MCM9: variants seen among roughly 807,000 people sequenced by gnomAD.
MCM9 encodes minichromosome maintenance 9 homologous recombination repair factor.
Under a neutral mutation model 72.8 loss-of-function variants are expected in MCM9, and 55 were observed. The ratio of observed to expected loss-of-function variants is 0.76; its 90% confidence interval spans 0.61 to 0.95. The LOEUF is 0.95. Ranked by LOEUF, MCM9 falls within the 40% of genes least tolerant of loss-of-function variation. The probability of loss-of-function intolerance (pLI) is 0.00; values close to 1 mark genes in which losing one functional copy is unlikely to be tolerated. For missense variants in MCM9, 1,279 were observed against 1,377.0 expected, an observed-to-expected ratio of 0.93 and a Z score of 1.13; for synonymous variants, 480 against 503.4, an observed-to-expected ratio of 0.95 and a Z score of 0.62.
intron 3 of MCM9, among the ~76,000 whole-genome samples, chr6:118,927,455 A>G (rs1348934405): frequency 6.6e-6 from 1 of 152,072 alleles, no homozygotes; most frequent in Non-Finnish European, 1.5e-5. Flanking sequence ...AATACAAATA[A>G]TTAGCCAGGT....
chr6:118,873,210 AG>A (rs1562418862), intron 8 of MCM9, among the ~76,000 whole-genome samples: 1 of 79,800 alleles, frequency 1.3e-5, no homozygotes, highest in Non-Finnish European at 2.5e-5. Flanking sequence ...AGGGGAGGGG[AG>A]GGAAAGGGAA....
At chr6:118,834,418 C>G (rs1321830017) in intron 9 of MCM9, among the ~76,000 whole-genome samples, 1 of 152,084 alleles carries the variant, frequency 6.6e-6, no homozygotes, top group Non-Finnish European at 1.5e-5. Flanking sequence ...GGTTATAGAT[C>G]CTTGAGGAAA....
At chr6:118,926,879 A>C (rs1432975942) in intron 3 of MCM9, among the ~76,000 whole-genome samples, 1 of 152,152 alleles carries the variant, frequency 6.6e-6, no homozygotes, top group Non-Finnish European at 1.5e-5. Flanking sequence ...GTCACTAAGT[A>C]CTCTCTATTG....
rs1157110307 is a variant in MCM9 at position 118,826,881 on chromosome 6, C to T, written c.1733-17G>A. On this transcript the variant is annotated splice_polypyrimidine_tract_variant and intron_variant, in intron 11 of 13. Coordinates refer to ENST00000619706, the MANE Select transcript of MCM9 (RefSeq NM_017696.3). ...GAGCATGAGCTAAGAAAACAAAACA[C>T]ATTTGTTTTTTAGGAATATTTGAGG... The T allele has an allele frequency of 1.6e-5, 24 of 1,538,766 alleles. No individual in the cohort carries two copies. The Middle Eastern group carries it at 6.7e-4, about 43-fold the overall frequency.
chr6:118,891,305 A>G (rs1415644836), intron 8 of MCM9, among the ~76,000 whole-genome samples: 1 of 152,214 alleles, frequency 6.6e-6, no homozygotes, highest in Non-Finnish European at 1.5e-5. Context: ...GGAACTGACC[A>G]ATATTTGGAT....
At chr6:118,875,640 AAAT>A (rs1777885887) in intron 8 of MCM9, among the ~76,000 whole-genome samples, 1 of 100,714 alleles carries the variant, frequency 9.9e-6, no homozygotes, top group Non-Finnish European at 1.9e-5. Context: ...TGTCTCAAAA[AAAT>A]AATAATAATA....
At chr6:118,837,186 C>T (rs1775019719) in intron 9 of MCM9, among the ~76,000 whole-genome samples, 1 of 152,182 alleles carries the variant, frequency 6.6e-6, no homozygotes, top group African/African-American at 2.4e-5. Context: ...GAATGAGTTT[C>T]TTAATCCTGA....
At chr6:118,845,166 C>T (rs947591811) in intron 9 of MCM9, among the ~76,000 whole-genome samples, 12 of 151,698 alleles carry the variant, frequency 7.9e-5, no homozygotes, top group African/African-American at 2.9e-4. Flanking sequence ...GCTGAATAAG[C>T]CTAAAAGACC....
rs1263943999 is a variant in MCM9, at chr6:118,829,153, G to A, written c.1423C>T (p.Leu475Phe). 1.9e-6 allele frequency: 3 copies of A among 1,550,576 alleles called. No homozygotes were observed. The highest frequency in any genetic ancestry group is 2.6e-6 in the Non-Finnish European group (3 of 1,146,996). ...AATCGACTTAAGAGTGGGCTGCCGA[G>A]GGCAATGTTCACAGACACGGACTCC... ...PQESVSVNIA[L>F]GSPLLSRFDL... The change falls in exon 10 of 14, where the codon CTC becomes TTC. Residue 475 changes from leucine (L) to phenylalanine (F), a missense_variant. By Grantham distance (22) the Leu-to-Phe change is conservative. Transcript: ENST00000619706.
chr6:118,914,534 G>A (rs546351165), intron 6 of MCM9, among the ~76,000 whole-genome samples: 1 of 152,276 alleles, frequency 6.6e-6, no homozygotes, highest in African/African-American at 2.4e-5. Flanking sequence ...AAAGGAACCA[G>A]AAGATTTAGT....
chr6:118,830,937 T>A (rs1447232436), intron 9 of MCM9, among the ~76,000 whole-genome samples: 1 of 152,180 alleles, frequency 6.6e-6, no homozygotes, highest in Non-Finnish European at 1.5e-5. Context: ...CTGGTGTCAG[T>A]ATCAGCATTA....
intron 8 of MCM9, among the ~76,000 whole-genome samples, chr6:118,875,711 T>C (rs1384100348): frequency 6.6e-6 from 1 of 152,038 alleles, no homozygotes; most frequent in African/African-American, 2.4e-5. Flanking sequence ...AGAATGACTG[T>C]AATCCAAAGA....
Position 118,815,928 on chromosome 6 carries a change from G to A in MCM9, c.2328C>T (p.Ile776=). Residue 776 remains isoleucine, a synonymous_variant, in exon 14 of 14, where the codon ATC becomes ATT. Coordinates refer to ENST00000619706, the MANE Select transcript of MCM9 (RefSeq NM_017696.3). ...CCTTACCCTGAGATGTGCTGTTAGA[G>A]ATCTTCGAAGCCATATTTTCTCCAG... ...KTSGENMASK[I]SNSTSQGKEK... is the part of the protein sequence containing the mutation. 6.5e-7 allele frequency: 1 copy of A among 1,548,860 alleles called. No individual in the cohort carries two copies. The highest frequency in any genetic ancestry group is 8.7e-7 in the Non-Finnish European group (1 of 1,146,954).
At chr6:118,877,601 A>G (rs1228651334) in intron 8 of MCM9, among the ~76,000 whole-genome samples, 1 of 152,238 alleles carries the variant, frequency 6.6e-6, no homozygotes, top group Non-Finnish European at 1.5e-5. Context: ...AATGGGAATA[A>G]TAACGGATAC....
chr6:118,835,706 C>T (rs1353500362), intron 9 of MCM9, among the ~76,000 whole-genome samples: 5 of 152,120 alleles, frequency 3.3e-5, no homozygotes, highest in Non-Finnish European at 5.9e-5. Context: ...ATTTTGTATC[C>T]TGAGACTTTG....
chr6:118,917,791 G>GTA (rs1227137558), intron 5 of MCM9, 30 bp from the exon 6 acceptor site: 1 of 1,579,452 alleles, frequency 6.3e-7, no homozygotes, highest in South Asian at 1.1e-5. Flanking sequence ...GAGTCCAGCA[G>GTA]TAGCATCCTG....
chr6:118,822,392 G>A (rs1773875553), intron 13 of MCM9, among the ~76,000 whole-genome samples: 1 of 152,158 alleles, frequency 6.6e-6, no homozygotes, highest in Non-Finnish European at 1.5e-5. Flanking sequence ...CAAGTCTGCT[G>A]CAGTTTGCTA....
chr6:118,827,857 T>C (rs1774267403), intron 11 of MCM9, 70 bp downstream of exon 11: 9 of 1,420,832 alleles, frequency 6.3e-6, no homozygotes, highest in Admixed American at 2.1e-5. Flanking sequence ...TTTGAATCCA[T>C]GGTGCCAAGC....
chr6:118,867,808 A>G (rs1177038596), intron 8 of MCM9, among the ~76,000 whole-genome samples: 4 of 151,880 alleles, frequency 2.6e-5, no homozygotes, highest in Non-Finnish European at 5.9e-5. Context: ...ATGACTGTAT[A>G]TTGTCAAATC....
Sources: gnomAD v4.1 joint callset for allele counts (sites outside exome capture counted in the v4.1 genomes callset) on GRCh38, gnomAD v4.1.1 for gene constraint, MANE v1.5 for transcripts, NCBI Gene and HGNC (gene_info 2026-07-23, HGNC 2026-07-21) for gene names.